The following JPH1 variants were observed in gnomAD, a reference collection of about 807,000 sequenced individuals.
JPH1 encodes junctophilin-1.
In JPH1, 12 loss-of-function variants were observed where a neutral mutation model predicts 53.6. The observed-to-expected ratio is 0.22, with a 90% confidence interval of 0.14 to 0.36. The LOEUF (loss-of-function observed/expected upper bound fraction) is 0.36. Among genes scored for constraint, JPH1 ranks in the 10% least tolerant of loss-of-function variants. JPH1 has a pLI of 1.00. For synonymous variants in JPH1, 375 were observed against 363.8 expected, an observed-to-expected ratio of 1.03 and a Z score of -0.35; for missense variants, 808 against 905.5, an observed-to-expected ratio of 0.89 and a Z score of 1.38.
At chr8:74,272,727 C>G (rs889005084) in intron 2 of JPH1, among the ~76,000 whole-genome samples, 1 of 151,894 alleles carries the variant, frequency 6.6e-6, no homozygotes, top group Non-Finnish European at 1.5e-5. Flanking sequence ...CCTCAGCCTC[C>G]CGTGTAGCTG....
At chr8:74,263,436 T>C (rs566640759) in intron 2 of JPH1, among the ~76,000 whole-genome samples, 113 of 152,316 alleles carry the variant, frequency 7.4e-4, no homozygotes, top group Non-Finnish European at 1.3e-3. Context: ...TACAAGTATT[T>C]CAAGAAAATT....
At chr8:74,306,016 T>G (rs1807822427) in intron 2 of JPH1, among the ~76,000 whole-genome samples, 1 of 149,264 alleles carries the variant, frequency 6.7e-6, no homozygotes, top group South Asian at 2.1e-4. Flanking sequence ...TGTTTTGTTT[T>G]GTTTTGTTTT....
In JPH1 at chr8:74,315,412, G is replaced by T; in HGVS notation, c.588C>A (p.Asn196Lys). Residue 196 changes from asparagine to lysine, a missense_variant, in exon 2 of 6, where the codon AAC (asparagine) becomes AAA (lysine). Asn to Lys is a moderately conservative substitution (Grantham distance 94). Around this residue, in one of 2 missense-constraint regions of JPH1, gnomAD observed 756 missense variants for 811.9 expected, o/e 0.93. Transcript: ENST00000342232. The surrounding 1 kb of genome is among the most constrained non-coding windows in gnomAD (Gnocchi z 6.3). ...PAGTRGGFVL[N>K]FHADAELAGK... ...CCGCTAGCTCAGCGTCTGCGTGGAA[G>T]TTGAGCACGAAACCGCCGCGGGTGC... 1 of 1,612,434 alleles carries T rather than the reference G, an allele frequency of 6.2e-7. No individual in the cohort carries two copies. Among genetic ancestry groups the T allele is most frequent in the Non-Finnish European group, 8.5e-7 (1 of 1,179,912 alleles).
intron 2 of JPH1, among the ~76,000 whole-genome samples, chr8:74,309,825 C>T (rs1364355116): frequency 2.0e-5 from 3 of 152,204 alleles, no homozygotes; most frequent in African/African-American, 7.2e-5. Flanking sequence ...GTCCCTGCCA[C>T]TGAATGTGGG....
rs76335013 is a variant in JPH1, at chr8:74,245,112, T to G, written c.1322A>C (p.Lys441Thr). The G allele has an allele frequency of 1.2e-6, 2 of 1,613,028 alleles. No individual in the cohort carries two copies. Among genetic ancestry groups the G allele is most frequent in the African/African-American group, 2.7e-5 (2 of 74,622 alleles). The change falls in exon 4 of 6, where the codon AAG (lysine) becomes ACG (threonine). Residue 441 changes from lysine to threonine, a missense_variant. Transcript: ENST00000342232. The stretch of plus-strand genomic sequence containing the variant: ...TGGTGTAGGTGGCTTTTCTGGTACC[T>G]TTTCTTCTGGATTTTCTTTAGCATC... ...GVDAKENPEE[K>T]VPEKPPTPKE...
Position 74,278,639 on chromosome 8 carries a change from G to A in JPH1, c.1140-19136C>T, listed in dbSNP as rs1193751371. ...GCTAAGGGAGTTACAGTGTTGGCTT[G>A]GGTGATTGACCCGGACTAATGCACT... On this transcript the variant is annotated intron_variant, in intron 2 of 5. Transcript: ENST00000342232. Among the ~76,000 whole-genome samples, 5 of 152,172 alleles carry A rather than the reference G, an allele frequency of 3.3e-5. No homozygotes were observed. In the East Asian group the frequency reaches 9.6e-4, roughly 29 times the overall value.
At chr8:74,285,207 G>C (rs900731717) in intron 2 of JPH1, among the ~76,000 whole-genome samples, 1 of 151,992 alleles carries the variant, frequency 6.6e-6, no homozygotes, top group Non-Finnish European at 1.5e-5. Flanking sequence ...CAAAGTTAGT[G>C]ACTTGATCTA....
rs979194868 is a variant in JPH1, at chr8:74,315,533, C to A, written c.467G>T (p.Arg156Leu). The A allele has an allele frequency of 1.9e-6, 3 of 1,605,786 alleles. No individual in the cohort carries two copies. The highest frequency in any genetic ancestry group is 2.5e-6 in the Non-Finnish European group (3 of 1,177,812). ...SVPYGMATVI[R>L]SPLRTSLASL... ...GGCCAGCGAGGTACGCAGCGGTGAG[C>A]GGATCACCGTGGCCATGCCGTAGGG... The change falls in exon 2 of 6, where the codon CGC becomes CTC. Residue 156 changes from arginine to leucine, a missense_variant. Around this residue, in one of 2 missense-constraint regions of JPH1, gnomAD observed 756 missense variants for 811.9 expected, o/e 0.93. Coordinates refer to ENST00000342232, the MANE Select transcript of JPH1 (RefSeq NM_020647.4). The surrounding 1 kb of genome is among the most constrained non-coding windows in gnomAD (Gnocchi z 6.3).
At chr8:74,312,129 G>A (rs1383883629) in intron 2 of JPH1, among the ~76,000 whole-genome samples, 2 of 152,134 alleles carry the variant, frequency 1.3e-5, no homozygotes, top group Admixed American at 6.5e-5. Flanking sequence ...AACAGTGAAG[G>A]TAAGTAAAAT....
intron 2 of JPH1, among the ~76,000 whole-genome samples, chr8:74,269,182 A>G (rs751077856): frequency 3.4e-4 from 52 of 152,248 alleles, no homozygotes; most frequent in Non-Finnish European, 3.4e-4. Flanking sequence ...AGCGAAGAAC[A>G]AAAAGATCTG....
At chr8:74,276,698 C>A (rs1415178814) in intron 2 of JPH1, among the ~76,000 whole-genome samples, 2 of 152,212 alleles carry the variant, frequency 1.3e-5, no homozygotes, top group Non-Finnish European at 2.9e-5. Flanking sequence ...GTAAGAACTG[C>A]ACATGCACAC....
Position 74,234,924 on chromosome 8 carries a change from C to T in JPH1, c.*2127G>A, listed in dbSNP as rs187057474. 6.6e-6 allele frequency: 1 copy of T among 152,524 alleles called. No homozygotes were observed. The highest frequency in any genetic ancestry group is 1.9e-4 in the East Asian group (1 of 5,192). The allele number at this position is 152,524 out of a possible 1,614,324, so 9.4% of individuals were successfully genotyped here. ...CAGTATAACAACCCATTAGAAAGAGCCTTCATGTAAAATACAGCTGTGCAC... is the reference window on the plus strand; with the variant it reads ...CAGTATAACAACCCATTAGAAAGAGTCTTCATGTAAAATACAGCTGTGCAC... On this transcript the variant is annotated 3_prime_UTR_variant, in exon 6 of 6. Coordinates refer to ENST00000342232, the MANE Select transcript of JPH1 (RefSeq NM_020647.4).
At chr8:74,252,547 C>G (rs941194574) in intron 3 of JPH1, among the ~76,000 whole-genome samples, 1 of 152,020 alleles carries the variant, frequency 6.6e-6, no homozygotes, top group African/African-American at 2.4e-5. Context: ...CATAACAATA[C>G]TAACCTTAAA....
intron 2 of JPH1, among the ~76,000 whole-genome samples, chr8:74,314,526 C>CA (rs112863291): frequency 0.3 from 45,158 of 151,526 alleles, 6,899 homozygotes; most frequent in East Asian, 0.4. Context: ...GTCCTTCTTA[C>CA]AAAAAAAAGA....
chr8:74,237,779 C>A (rs902887315), intron 4 of JPH1, among the ~76,000 whole-genome samples: 1 of 152,206 alleles, frequency 6.6e-6, no homozygotes, highest in Non-Finnish European at 1.5e-5. Flanking sequence ...AGGTTCTCTA[C>A]CTCTTGCTTT....
At chr8:74,260,057 C>T (rs889243234) in intron 2 of JPH1, among the ~76,000 whole-genome samples, 1 of 152,182 alleles carries the variant, frequency 6.6e-6, no homozygotes, top group Non-Finnish European at 1.5e-5. Context: ...CAGCATAATG[C>T]CGTTGGATGT....
In JPH1 at chr8:74,315,193, C is replaced by T; in HGVS notation, c.807G>A (p.Val269=). ...FGDVDCDFCP[V]EDHVDATTTE... Reference sequence around the variant, plus strand: ...TGGTGGTGGCGTCCACGTGGTCTTCCACCGGGCAAAAATCACAATCTACAT... The same window carrying T: ...TGGTGGTGGCGTCCACGTGGTCTTCTACCGGGCAAAAATCACAATCTACAT... Residue 269 remains valine, a synonymous_variant, in exon 2 of 6, where the codon GTG becomes GTA. Transcript: ENST00000342232. This position sits in a 1 kb window ranked among gnomAD's most constrained non-coding sequence, Gnocchi z 6.3. 1.9e-6 allele frequency: 3 copies of T among 1,614,216 alleles called. No individual in the cohort carries two copies. Among genetic ancestry groups the T allele is most frequent in the East Asian group, 2.2e-5 (1 of 44,884 alleles).
chr8:74,260,999 T>C (rs1316148828), intron 2 of JPH1, among the ~76,000 whole-genome samples: 6 of 152,322 alleles, frequency 3.9e-5, no homozygotes, highest in African/African-American at 1.4e-4. Flanking sequence ...TGAATGATGC[T>C]TCCTTAGGAA....
At chr8:74,313,389 G>T (rs1243614220) in intron 2 of JPH1, among the ~76,000 whole-genome samples, 3 of 152,062 alleles carry the variant, frequency 2.0e-5, no homozygotes, top group African/African-American at 7.2e-5. Context: ...CTTCATTAAA[G>T]TTTGTGCTGA....
Sources: allele counts gnomAD v4.1 joint callset (sites outside exome capture counted in the v4.1 genomes callset), GRCh38; gene constraint gnomAD v4.1.1; regional missense constraint gnomAD v4.1.1; non-coding constraint Gnocchi (gnomAD v3.1); transcripts MANE v1.5; gene names NCBI Gene and HGNC (gene_info 2026-07-23, HGNC 2026-07-21).